The following IMMP2L variants were observed in gnomAD, a reference collection of about 807,000 sequenced individuals.
IMMP2L encodes the protein mitochondrial inner membrane protease subunit 2.
In IMMP2L, 18 loss-of-function variants were observed where a neutral mutation model predicts 19.3. That is an observed-to-expected ratio of 0.93 (90% confidence interval 0.64 to 1.38). The LOEUF is 1.38. Among genes scored for constraint, IMMP2L ranks in the 40% most tolerant of loss-of-function variants. The pLI, the probability that IMMP2L is intolerant of heterozygous loss-of-function variation, is 0.00. For synonymous variants in IMMP2L, 76 were observed against 73.0 expected, an observed-to-expected ratio of 1.04 and a Z score of -0.21; for missense variants, 233 against 218.2, an observed-to-expected ratio of 1.07 and a Z score of -0.43.
At chr7:111,240,600 T>C (rs1562960028) in intron 3 of IMMP2L, among the ~76,000 whole-genome samples, 1 of 151,948 alleles carries the variant, frequency 6.6e-6, no homozygotes. Context: ...GGAAAAAGTG[T>C]ACCATGTGTT....
chr7:111,384,356 G>C (rs1831527580), intron 3 of IMMP2L, among the ~76,000 whole-genome samples: 2 of 151,756 alleles, frequency 1.3e-5, no homozygotes, highest in Non-Finnish European at 2.9e-5. Context: ...AAGAGAAGAG[G>C]GGGAGGAGGG....
chr7:110,998,685 A>G (rs1429740091), intron 3 of IMMP2L, among the ~76,000 whole-genome samples: 1 of 152,184 alleles, frequency 6.6e-6, no homozygotes, highest in Non-Finnish European at 1.5e-5. Context: ...GGGATTGTCA[A>G]CTAGAGTGCC....
chr7:111,546,584 TTTG>T (rs1848954654), intron 1 of IMMP2L, among the ~76,000 whole-genome samples: 1 of 152,152 alleles, frequency 6.6e-6, no homozygotes, highest in African/African-American at 2.4e-5. Flanking sequence ...TTTGATATAC[TTTG>T]TTTTCTTAAT....
chr7:111,523,993 A>G (rs1436639028), intron 1 of IMMP2L, among the ~76,000 whole-genome samples: 1 of 152,140 alleles, frequency 6.6e-6, no homozygotes, highest in Non-Finnish European at 1.5e-5. Context: ...AAGATTTAAT[A>G]TACTTTTCCA....
In IMMP2L at chr7:111,363,528, T is replaced by C. The variant is rs186076594; in HGVS notation, c.239+123710A>G. Among the ~76,000 whole-genome samples, 47 of 152,252 alleles carry C rather than the reference T, an allele frequency of 3.1e-4. No individual in the cohort carries two copies. In the East Asian group the frequency reaches 7.9e-3, roughly 26 times the overall value. ...AATCTTACTAGCACCAGCCAGTGTA[T>C]TTCCTAAGACCGTTAAGGCTTGAAG... is the stretch of plus-strand genomic sequence containing the variant. On this transcript the variant is annotated intron_variant, in intron 3 of 5. Transcript: ENST00000405709.
At chr7:111,114,235 T>C (rs891048632) in intron 3 of IMMP2L, among the ~76,000 whole-genome samples, 5 of 152,078 alleles carry the variant, frequency 3.3e-5, no homozygotes, top group Admixed American at 1.3e-4. Context: ...TGTTTAAAAT[T>C]CTTCAAATTT....
chr7:110,694,846 T>C (rs1342290439), intron 5 of IMMP2L, among the ~76,000 whole-genome samples: 2 of 152,198 alleles, frequency 1.3e-5, no homozygotes, highest in Admixed American at 1.3e-4. Flanking sequence ...ATGTGATATA[T>C]ATCTATCTAT....
chr7:111,259,223 GTCAA>G (rs926895680), intron 3 of IMMP2L, among the ~76,000 whole-genome samples: 3 of 152,108 alleles, frequency 2.0e-5, no homozygotes, highest in African/African-American at 7.2e-5. Context: ...GTTGCTCTGG[GTCAA>G]TCAGTGAGTG....
At chr7:110,994,949 T>C (rs1822879607) in intron 3 of IMMP2L, among the ~76,000 whole-genome samples, 1 of 152,146 alleles carries the variant, frequency 6.6e-6, no homozygotes, top group Non-Finnish European at 1.5e-5. Flanking sequence ...TTTTGAGTTC[T>C]GGACCTAGTA....
At chr7:110,690,228 A>G (rs1410828961) in intron 5 of IMMP2L, among the ~76,000 whole-genome samples, 1 of 152,130 alleles carries the variant, frequency 6.6e-6, no homozygotes, top group Non-Finnish European at 1.5e-5. Context: ...TTTTGAGTGC[A>G]TCGTTCTTAG....
chr7:111,260,336 AT>A (rs1378893184), intron 3 of IMMP2L, among the ~76,000 whole-genome samples: 1 of 152,140 alleles, frequency 6.6e-6, no homozygotes, highest in Non-Finnish European at 1.5e-5. Context: ...CTCCATTTTA[AT>A]CTTACGGGAC....
intron 3 of IMMP2L, among the ~76,000 whole-genome samples, chr7:111,129,612 C>T (rs1350539816): frequency 6.6e-6 from 1 of 152,044 alleles, no homozygotes; most frequent in Admixed American, 6.6e-5. Flanking sequence ...CTTGGGAGAA[C>T]TACAGCGTTG....
At chr7:111,167,897 T>G (rs1168794630) in intron 3 of IMMP2L, among the ~76,000 whole-genome samples, 1 of 151,986 alleles carries the variant, frequency 6.6e-6, no homozygotes, top group Non-Finnish European at 1.5e-5. Flanking sequence ...ACCGGAATAA[T>G]ACCTTTTCCA....
intron 3 of IMMP2L, among the ~76,000 whole-genome samples, chr7:111,138,074 G>A (rs900328226): frequency 6.6e-6 from 1 of 152,010 alleles, no homozygotes; most frequent in African/African-American, 2.4e-5. Flanking sequence ...AAAGCTATCT[G>A]CTCCCCTAGG....
At chr7:111,124,904 C>T in intron 3 of IMMP2L, 1 of 1,482,460 alleles carries the variant, frequency 6.7e-7, no homozygotes, top group Non-Finnish European at 9.0e-7. Flanking sequence ...TCCTAAAAAC[C>T]ACCAAGGAAA....
intron 3 of IMMP2L, among the ~76,000 whole-genome samples, chr7:111,120,507 C>T (rs113849074): frequency 3.3e-5 from 5 of 152,032 alleles, no homozygotes; most frequent in Non-Finnish European, 5.9e-5. Context: ...TGGGAATTAT[C>T]GGAGCTACAA....
chr7:111,313,788 C>T (rs1187145490), intron 3 of IMMP2L, among the ~76,000 whole-genome samples: 2 of 152,198 alleles, frequency 1.3e-5, no homozygotes, highest in Admixed American at 1.3e-4. Flanking sequence ...CAAGAAGGGT[C>T]ATAGATGGTG....
chr7:111,270,041 G>T lies in IMMP2L; in HGVS notation c.239+217197C>A, dbSNP rs953606779. On this transcript the variant is annotated intron_variant, in intron 3 of 5. Transcript: ENST00000405709. ...TTCCTATTGTACCATCTTTGTGTGT[G>T]TGCATGCATGTGTGTCTGTGTGTGT... Among the ~76,000 whole-genome samples, 4 of 148,820 alleles carry T rather than the reference G, an allele frequency of 2.7e-5. 1 individual carries two copies. Among genetic ancestry groups the T allele is most frequent in the Non-Finnish European group, 5.9e-5 (4 of 67,580 alleles).
intron 5 of IMMP2L, among the ~76,000 whole-genome samples, chr7:110,690,746 T>C (rs766628311): frequency 8.6e-5 from 13 of 151,948 alleles, no homozygotes; most frequent in Non-Finnish European, 1.5e-5. Context: ...TTTAAAAATC[T>C]AGGAATATAC....
Sources: allele counts gnomAD v4.1 joint callset (sites outside exome capture counted in the v4.1 genomes callset), GRCh38; gene constraint gnomAD v4.1.1; transcripts MANE v1.5; gene names NCBI Gene and HGNC (gene_info 2026-07-23, HGNC 2026-07-21).